The following HIP1R variants were observed in gnomAD, a reference collection of about 807,000 sequenced individuals.
HIP1R encodes the protein huntingtin-interacting protein 1-related protein.
A neutral mutation model predicts 144.2 loss-of-function variants in HIP1R; 135 were observed. The observed-to-expected ratio is 0.94, with a 90% CI of 0.81 to 1.08. The LOEUF (loss-of-function observed/expected upper bound fraction) is 1.08, where lower values mean the gene tolerates loss of function less well. Ranked by LOEUF, HIP1R falls within the 50% of genes least tolerant of loss-of-function variation. The pLI is 0.00. For synonymous variants in HIP1R, 698 were observed against 612.8 expected (o/e 1.14, Z -2.05); for missense variants, 1,462 against 1,432.8 (o/e 1.02, Z -0.33).
At chr12:122,861,082 G>T in intron 29 of HIP1R, 43 bp downstream of exon 29, 1 of 1,613,596 alleles carries the variant, frequency 6.2e-7, no homozygotes, top group Non-Finnish European at 8.5e-7. Context: ...TCCCGAGGCT[G>T]AATGGGGGTG....
At chr12:122,849,814 C>G in intron 4 of HIP1R, 61 bp from the exon 5 acceptor site, 1 of 1,260,106 alleles carries the variant, frequency 7.9e-7, no homozygotes, top group Non-Finnish European at 1.2e-6. Context: ...TGCCCAGGTC[C>G]TTGAGGACTC....
chr12:122,859,091 C>A lies in HIP1R; in HGVS notation c.2189C>A (p.Ala730Asp). 2.5e-6 allele frequency: 4 copies of A among 1,603,854 alleles called. No individual in the cohort carries two copies. Among genetic ancestry groups the A allele is most frequent in the Non-Finnish European group, 3.4e-6 (4 of 1,175,930 alleles). ...ATAGACACCTGCAGGGAGTGCGGGG[C>A]CCGGGCTCTGGAGCTCATGGGGCAG... is the stretch of plus-strand genomic sequence containing the variant. ...RLIDTCRECG[A>D]RALELMGQLQ... The change falls in exon 22 of 32, where the codon GCC becomes GAC. Residue 730 changes from alanine (A) to aspartate (D), a missense_variant. Transcript: ENST00000253083.
At chr12:122,852,002 A>C (rs2033415138) in intron 7 of HIP1R, among the ~76,000 whole-genome samples, 2 of 152,156 alleles carry the variant, frequency 1.3e-5, no homozygotes, top group African/African-American at 4.8e-5. Context: ...GTCACGTCAG[A>C]CTTCCTAGCG....
chr12:122,846,008 G>A (rs750151927), intron 1 of HIP1R, among the ~76,000 whole-genome samples: 1 of 152,234 alleles, frequency 6.6e-6, no homozygotes, highest in Non-Finnish European at 1.5e-5. Flanking sequence ...CCTCTCTGGT[G>A]CCAGGTCTGC....
Position 122,858,875 on chromosome 12 carries a change from C to T in HIP1R, c.2088C>T (p.Ser696=). 6.2e-7 allele frequency: 1 copy of T among 1,613,316 alleles called. No homozygotes were observed. Among genetic ancestry groups the T allele is most frequent in the Non-Finnish European group, 8.5e-7 (1 of 1,180,016 alleles). Residue 696 remains serine, a synonymous_variant, in exon 21 of 32, where the codon TCC becomes TCT. Coordinates refer to ENST00000253083, the MANE Select transcript of HIP1R (RefSeq NM_003959.3). The stretch of plus-strand genomic sequence containing the variant: ...TGGTGGCAGCTCTGACCCGCTTCTC[C>T]CACCTGGCTGCGGATACCATCATCA... The part of the protein sequence containing the change: ...SALVAALTRF[S]HLAADTIING...
intron 6 of HIP1R, among the ~76,000 whole-genome samples, 157 bp from the exon 7 acceptor site, chr12:122,851,079 G>C (rs2033380076): frequency 6.6e-6 from 1 of 152,134 alleles, no homozygotes; most frequent in African/African-American, 2.4e-5. Flanking sequence ...TAAAAGGGTG[G>C]GGTGTACTTG....
chr12:122,848,390 C>T (rs1256521950), intron 2 of HIP1R, 76 bp from the exon 3 acceptor site: 2 of 1,536,902 alleles, frequency 1.3e-6, no homozygotes, highest in African/African-American at 2.7e-5. Flanking sequence ...TTCCGGCGGC[C>T]CTGGCCTCTC....
In HIP1R at chr12:122,859,413, C is replaced by T; in HGVS notation, c.2296-13C>T. The stretch of plus-strand genomic sequence containing the variant: ...GACGGAGGCTACCCCTGTCTGACTC[C>T]CATCCTCACCAGGAACTGAAACCCA... On this transcript the variant is annotated splice_polypyrimidine_tract_variant and intron_variant, in intron 22 of 31. Transcript: ENST00000253083. 6.2e-7 allele frequency: 1 copy of T among 1,607,782 alleles called. No homozygotes were observed. Among genetic ancestry groups the T allele is most frequent in the Non-Finnish European group, 8.5e-7 (1 of 1,174,992 alleles).
rs563063489 is a variant in HIP1R at position 122,856,657 on chromosome 12, C to T, written c.1551C>T (p.Leu517=). The T allele has an allele frequency of 6.2e-7, 1 of 1,604,438 alleles. No homozygotes were observed. Among genetic ancestry groups the T allele is most frequent in the Middle Eastern group, 1.7e-4 (1 of 5,804 alleles). The stretch of plus-strand genomic sequence containing the variant: ...AGAAGAGCGACCAGCTGGAGAAGCT[C>T]AAGAGGGAGCTGGAGGCCAAGGCCG... ...LEEKSDQLEK[L]KRELEAKAGE... is the part of the protein sequence containing the mutation. Residue 517 remains leucine (L), a synonymous_variant, in exon 17 of 32, where the codon CTC becomes CTT. Coordinates refer to ENST00000253083, the MANE Select transcript of HIP1R (RefSeq NM_003959.3).
At chr12:122,849,262 A>G (rs946604838) in intron 4 of HIP1R, among the ~76,000 whole-genome samples, 1 of 152,254 alleles carries the variant, frequency 6.6e-6, no homozygotes. Flanking sequence ...GGGGGCCTGC[A>G]ATCTGGATGC....
upstream of HIP1R, chr12:122,835,294 G>A (rs1267043913): frequency 3.7e-6 from 2 of 534,586 alleles, no homozygotes; most frequent in African/African-American, 5.1e-5. Flanking sequence ...CGGGGGGTGG[G>A]GTTGGAGGTG....
intron 1 of HIP1R, among the ~76,000 whole-genome samples, chr12:122,842,273 G>T (rs141659726): frequency 0.021 from 3,199 of 152,306 alleles, 137 homozygotes; most frequent in Admixed American, 0.074. Context: ...TAGGTGCCAC[G>T]ATAATACAGC....
chr12:122,856,168 G>A lies in HIP1R; in HGVS notation c.1312+5G>A, dbSNP rs770864779. The A allele has an allele frequency of 1.2e-5, 20 of 1,606,550 alleles. No homozygotes were observed. Among genetic ancestry groups the A allele is most frequent in the East Asian group, 4.5e-5 (2 of 44,534 alleles). On this transcript the variant is annotated splice_donor_5th_base_variant and intron_variant, in intron 14 of 31. Transcript: ENST00000253083. ...GCCTGCGTGAGGAGGCTGAGAGTAC[G>A]TGGGGCCTTGGCCACAGGGGTCCAA... is the stretch of plus-strand genomic sequence containing the variant.
chr12:122,855,930 A>G (rs2033557638), intron 13 of HIP1R, 27 bp downstream of exon 13: 1 of 1,565,526 alleles, frequency 6.4e-7, no homozygotes, highest in Admixed American at 1.9e-5. Flanking sequence ...GGTGGGGGCC[A>G]GGGCCCCTCA....
chr12:122,855,803 A>C (rs1422747228), intron 12 of HIP1R, 28 bp from the exon 13 acceptor site: 18 of 1,551,360 alleles, frequency 1.2e-5, no homozygotes, highest in Non-Finnish European at 1.6e-5. Context: ...GGTTGACTTA[A>C]CTTGAACCCC....
chr12:122,850,523 G>A (rs1447546914), intron 5 of HIP1R: 1 of 123,016 alleles, frequency 8.1e-6, no homozygotes. Context: ...GCCCTGGTTC[G>A]GTGGCCGCTG....
chr12:122,852,816 G>A (rs1018937126), intron 7 of HIP1R, among the ~76,000 whole-genome samples: 4 of 152,158 alleles, frequency 2.6e-5, no homozygotes, highest in African/African-American at 4.8e-5. Context: ...GCAGATTGCC[G>A]AACAGCATGG....
intron 1 of HIP1R, among the ~76,000 whole-genome samples, chr12:122,839,227 C>A (rs2032989913): frequency 6.6e-6 from 1 of 152,228 alleles, no homozygotes. Flanking sequence ...AATGGTGAGT[C>A]CTGCCTTTTC....
intron 1 of HIP1R, among the ~76,000 whole-genome samples, chr12:122,843,948 G>A (rs528561250): frequency 6.6e-6 from 1 of 152,114 alleles, no homozygotes; most frequent in South Asian, 2.1e-4. Flanking sequence ...AGGTTCAAGC[G>A]ATTCTCTGCC....
Sources: gnomAD v4.1 joint callset for allele counts (sites outside exome capture counted in the v4.1 genomes callset) on GRCh38, gnomAD v4.1.1 for gene constraint, MANE v1.5 for transcripts, NCBI Gene and HGNC (gene_info 2026-07-23, HGNC 2026-07-21) for gene names.